The following SLC25A16 variants were observed in gnomAD, a reference collection of about 807,000 sequenced individuals.
The protein encoded by SLC25A16 is mitochondrial coenzyme A transporter SLC25A16.
In SLC25A16, 39 loss-of-function variants were observed where a neutral mutation model predicts 41.5. The ratio of observed to expected loss-of-function variants is 0.94; its 90% confidence interval spans 0.73 to 1.23. The LOEUF (loss-of-function observed/expected upper bound fraction) is 1.23, where lower values mean the gene tolerates loss of function less well. Among genes scored for constraint, SLC25A16 ranks in the 50% most tolerant of loss-of-function variants. The pLI, the probability that SLC25A16 is intolerant of heterozygous loss-of-function variation, is 0.00. For synonymous variants in SLC25A16, 146 were observed against 147.8 expected (o/e 0.99, Z 0.09); for missense variants, 421 against 426.9 (o/e 0.99, Z 0.12).
At chr10:68,496,710 C>G in intron 4 of SLC25A16, 4 of 941,676 alleles carry the variant, frequency 4.2e-6, no homozygotes, top group Non-Finnish European at 5.1e-6. Context: ...TATGGGAAAC[C>G]TGAGAACATA....
chr10:68,507,288 G>A lies in SLC25A16; in HGVS notation c.224-570C>T, dbSNP rs545088275. 5.3e-5 allele frequency among the ~76,000 whole-genome samples: 8 copies of A among 151,828 alleles called. No homozygotes were observed. In the East Asian group the frequency reaches 1.6e-3, roughly 29 times the overall value. The stretch of plus-strand genomic sequence containing the variant: ...GGGTTTCACCATGTTGGCCAGGCTG[G>A]TCTCAAACTCCTGACCTCGTGATCC... On this transcript the variant is annotated intron_variant, in intron 2 of 8. Coordinates refer to ENST00000609923, the MANE Select transcript of SLC25A16 (RefSeq NM_152707.4).
chr10:68,520,812 C>CAAA (rs563100705), intron 1 of SLC25A16, among the ~76,000 whole-genome samples: 2 of 79,690 alleles, frequency 2.5e-5, no homozygotes, highest in Admixed American at 1.4e-4. Context: ...AACTCTGTCT[C>CAAA]AAAAAAAAAA....
At chr10:68,513,251 A>T (rs2053099301) in intron 2 of SLC25A16, among the ~76,000 whole-genome samples, 1 of 151,658 alleles carries the variant, frequency 6.6e-6, no homozygotes, top group Non-Finnish European at 1.5e-5. Flanking sequence ...TTTACCAAAA[A>T]TACAATAATT....
Position 68,478,652 on chromosome 10 carries a change from TAC to T in SLC25A16, c.*4778_*4779del, listed in dbSNP as rs2052453314. ...GCTCAGCCTCCCAAAGGGCTAGAAT[TAC>T]AGACATGAGTCACTTCACCCAGCCA... On this transcript the variant is annotated 3_prime_UTR_variant, in exon 9 of 9. Coordinates refer to ENST00000609923, the MANE Select transcript of SLC25A16 (RefSeq NM_152707.4). 1 of 151,830 alleles carries T rather than the reference TAC, an allele frequency of 6.6e-6. No homozygotes were observed. The highest frequency in any genetic ancestry group is 1.5e-5 in the Non-Finnish European group (1 of 67,956). The allele number at this position is 151,830 out of a possible 1,614,324, so 9.4% of individuals were successfully genotyped here.
At chr10:68,502,096 G>A (rs1264499824) in intron 4 of SLC25A16, among the ~76,000 whole-genome samples, 1 of 133,172 alleles carries the variant, frequency 7.5e-6, no homozygotes, top group Non-Finnish European at 1.7e-5. Context: ...CTGGAGGGCT[G>A]AGGCAGGAGG....
intron 1 of SLC25A16, among the ~76,000 whole-genome samples, chr10:68,523,752 GGT>G (rs2053286756): frequency 2.0e-5 from 3 of 152,170 alleles, no homozygotes; most frequent in Admixed American, 2.0e-4. Context: ...TGGGATTACA[GGT>G]GTGAGACACC....
At chr10:68,499,166 A>C (rs972425201) in intron 4 of SLC25A16, among the ~76,000 whole-genome samples, 2 of 152,196 alleles carry the variant, frequency 1.3e-5, no homozygotes, top group African/African-American at 4.8e-5. Context: ...TTTAACAAAC[A>C]TACAGGCAAG....
rs1004425360 is a variant in SLC25A16 at position 68,527,425 on chromosome 10, G to A, written c.-50C>T. The A allele has an allele frequency of 4.2e-6, 6 of 1,421,122 alleles. No homozygotes were observed. The African/African-American group carries it at 9.1e-5, about 22-fold the overall frequency. 88.0% of individuals were successfully genotyped at this position (1,421,122 alleles called of 1,614,324 possible). ...CTAGGTTGCCAACTTACAGAACACC[G>A]GACGGGACCATAGCCGGAACAGGCG... On this transcript the variant is annotated 5_prime_UTR_variant, in exon 1 of 9. Transcript: ENST00000609923.
chr10:68,506,486 A>T, intron 3 of SLC25A16, 99 bp downstream of exon 3: 1 of 818,554 alleles, frequency 1.2e-6, no homozygotes, highest in Non-Finnish European at 1.7e-6. Context: ...TTTTAAAAAT[A>T]TGAAACTTTT....
chr10:68,513,637 C>T (rs2053107935), intron 2 of SLC25A16, among the ~76,000 whole-genome samples: 1 of 151,988 alleles, frequency 6.6e-6, no homozygotes, highest in African/African-American at 2.4e-5. Context: ...TGCCTGTAAT[C>T]CCAGTACTTA....
Position 68,527,477 on chromosome 10 carries a change from G to T in SLC25A16, c.-102C>A. On this transcript the variant is annotated 5_prime_UTR_variant, in exon 1 of 9. Transcript: ENST00000609923. ...TGACAGGAGGCTGACCGCCCCGCCG[G>T]CGGGGCAAAGTAACACCCGGCGGCG... 8.3e-7 allele frequency: 1 copy of T among 1,202,702 alleles called. No homozygotes were observed. The highest frequency in any genetic ancestry group is 1.1e-6 in the Non-Finnish European group (1 of 908,824). 74.5% of individuals were successfully genotyped at this position (1,202,702 alleles called of 1,614,324 possible).
intron 6 of SLC25A16, among the ~76,000 whole-genome samples, chr10:68,489,560 T>A (rs1298226833): frequency 1.3e-5 from 2 of 152,030 alleles, no homozygotes; most frequent in Non-Finnish European, 2.9e-5. Context: ...TAAATAAATA[T>A]GAAATTCAAG....
chr10:68,503,232 TCA>T (rs1311457408), intron 4 of SLC25A16: 1 of 154,478 alleles, frequency 6.5e-6, no homozygotes, highest in Non-Finnish European at 1.4e-5. Flanking sequence ...TTTTCTCCAC[TCA>T]CACTGCATTA....
At chr10:68,503,757 T>A in intron 3 of SLC25A16, 62 bp from the exon 4 acceptor site, 1 of 991,964 alleles carries the variant, frequency 1.0e-6, no homozygotes, top group East Asian at 2.4e-5. Context: ...TTTCACTGTT[T>A]AATAATGAAG....
chr10:68,516,963 C>T (rs907796763), intron 1 of SLC25A16, 120 bp from the exon 2 acceptor site: 21 of 1,025,600 alleles, frequency 2.0e-5, no homozygotes, highest in Non-Finnish European at 3.0e-5. Context: ...AGTAAATCTG[C>T]CCACAGCGTA....
At chr10:68,526,479 TCA>T (rs2053339559) in intron 1 of SLC25A16, among the ~76,000 whole-genome samples, 3 of 152,092 alleles carry the variant, frequency 2.0e-5, no homozygotes, top group Non-Finnish European at 2.9e-5. Flanking sequence ...CTAAGGGAAC[TCA>T]GAGGCTGGCG....
chr10:68,518,556 A>G (rs2053198401), intron 1 of SLC25A16, among the ~76,000 whole-genome samples: 1 of 151,758 alleles, frequency 6.6e-6, no homozygotes, highest in Non-Finnish European at 1.5e-5. Context: ...CGGGCAGATC[A>G]CGAGGTCAGG....
chr10:68,483,812 G>A (rs373731388), intron 8 of SLC25A16, among the ~76,000 whole-genome samples: 7 of 151,958 alleles, frequency 4.6e-5, no homozygotes, highest in South Asian at 4.1e-4. Context: ...ACAGGCACGC[G>A]CCACCATGCC....
chr10:68,481,701 C>T lies in SLC25A16; in HGVS notation c.*1731G>A, dbSNP rs2052485476. On this transcript the variant is annotated 3_prime_UTR_variant, in exon 9 of 9. Coordinates refer to ENST00000609923, the MANE Select transcript of SLC25A16 (RefSeq NM_152707.4). ...TGATCTCAGCTCACTGCAACCTCCG[C>T]TTCCCGAGCTCAAGCAATTCTCATG... The T allele has an allele frequency of 6.6e-6, 1 of 152,158 alleles. No individual in the cohort carries two copies. The highest frequency in any genetic ancestry group is 1.5e-5 in the Non-Finnish European group (1 of 68,088). The allele number at this position is 152,158 out of a possible 1,614,324, so 9.4% of individuals were successfully genotyped here. A position where few individuals can be genotyped will look rare whatever the true frequency, so the allele number is the denominator to read the frequency against.
Sources: allele counts gnomAD v4.1 joint callset (sites outside exome capture counted in the v4.1 genomes callset), GRCh38; gene constraint gnomAD v4.1.1; transcripts MANE v1.5; gene names NCBI Gene and HGNC (gene_info 2026-07-23, HGNC 2026-07-21).